SLC30A8: variants seen among roughly 807,000 people sequenced by gnomAD.
SLC30A8 encodes solute carrier family 30 member 8.
A neutral mutation model predicts 36.9 loss-of-function variants in SLC30A8; 27 were observed. That is an observed-to-expected ratio of 0.73 (90% CI 0.54 to 1.01). SLC30A8 has a LOEUF of 1.01. SLC30A8 is among the 50% of genes least tolerant of loss of function. SLC30A8 has a pLI of 0.00. For synonymous variants in SLC30A8, 164 were observed against 172.4 expected (o/e 0.95, Z 0.38); for missense variants, 439 against 452.0 (o/e 0.97, Z 0.26).
At chr8:117,121,628 G>C (rs1166960457) in intron 2 of SLC30A8, among the ~76,000 whole-genome samples, 1 of 151,930 alleles carries the variant, frequency 6.6e-6, no homozygotes, top group East Asian at 1.9e-4. Flanking sequence ...TCGCATTGGT[G>C]ATTAGATTTA....
At chr8:117,026,262 G>A (rs1816867451) in intron 1 of SLC30A8, among the ~76,000 whole-genome samples, 1 of 152,118 alleles carries the variant, frequency 6.6e-6, no homozygotes, top group Non-Finnish European at 1.5e-5. Context: ...AACAATATTT[G>A]TCTTCAATAA....
intron 6 of SLC30A8, 67 bp from the exon 7 acceptor site, chr8:117,170,967 G>C (rs186817102): frequency 7.1e-7 from 1 of 1,411,094 alleles, no homozygotes; most frequent in Non-Finnish European, 9.5e-7. Context: ...TTTGCAGCTT[G>C]TTTAGGTAAT....
intron 2 of SLC30A8, among the ~76,000 whole-genome samples, chr8:117,090,671 C>T (rs1333808904): frequency 1.3e-5 from 2 of 152,188 alleles, no homozygotes; most frequent in Admixed American, 6.5e-5. Context: ...CTCCTAATCC[C>T]ATCACATTGG....
intron 2 of SLC30A8, among the ~76,000 whole-genome samples, chr8:117,107,913 C>T (rs1820065091): frequency 2.0e-5 from 3 of 152,114 alleles, no homozygotes; most frequent in Non-Finnish European, 4.4e-5. Context: ...ATCCAAATGG[C>T]CTCTCTTTCA....
intron 2 of SLC30A8, among the ~76,000 whole-genome samples, chr8:117,053,884 A>G (rs141560044): frequency 6.4e-4 from 97 of 152,308 alleles, no homozygotes; most frequent in African/African-American, 2.2e-3. Context: ...ACAAGTATCA[A>G]TACTCACACT....
In SLC30A8 at chr8:117,175,841, G is replaced by T. The variant is rs1054155835; in HGVS notation, c.*3160G>T. On this transcript the variant is annotated 3_prime_UTR_variant, in exon 8 of 8. Coordinates refer to ENST00000456015, the MANE Select transcript of SLC30A8 (RefSeq NM_173851.3). ...TTCTCAGAGGAAGCAATGGAGGCTT[G>T]CTGGGATAAAGGCATTTACTGAGAG... 6.6e-6 allele frequency: 1 copy of T among 152,104 alleles called. No individual in the cohort carries two copies. The highest frequency in any genetic ancestry group is 1.5e-5 in the Non-Finnish European group (1 of 68,000). 9.4% of individuals were successfully genotyped at this position (152,104 alleles called of 1,614,324 possible). A position where few individuals can be genotyped will look rare whatever the true frequency, so the allele number is the denominator to read the frequency against.
chr8:117,109,731 T>G (rs1586532520), intron 2 of SLC30A8, among the ~76,000 whole-genome samples: 1 of 152,174 alleles, frequency 6.6e-6, no homozygotes. Context: ...AGTTGAAAAA[T>G]TGCTATCTCA....
At chr8:117,143,542 T>G (rs1261296559) in intron 1 of SLC30A8, among the ~76,000 whole-genome samples, 1 of 152,150 alleles carries the variant, frequency 6.6e-6, no homozygotes, top group African/African-American at 2.4e-5. Context: ...CTAGAGATAC[T>G]TAGATGACTT....
At chr8:116,987,199 G>T (rs968269662) in intron 1 of SLC30A8, among the ~76,000 whole-genome samples, 2 of 147,278 alleles carry the variant, frequency 1.4e-5, no homozygotes, top group African/African-American at 2.5e-5. Flanking sequence ...TTAGGGGAAG[G>T]TTCTGTTAAG....
chr8:117,176,467 G>A lies in SLC30A8; in HGVS notation c.*3786G>A, dbSNP rs1823694185. On this transcript the variant is annotated 3_prime_UTR_variant, in exon 8 of 8. Transcript: ENST00000456015. ...TTACAGAAATCATTAAAGGCACCAA[G>A]CAAATGTCATCTCTGAATACACACA... 6.6e-6 allele frequency: 1 copy of A among 152,356 alleles called. No individual in the cohort carries two copies. The highest frequency in any genetic ancestry group is 6.6e-5 in the Admixed American group (1 of 15,218). 9.4% of individuals were successfully genotyped at this position (152,356 alleles called of 1,614,324 possible).
chr8:117,160,714 A>G (rs1479169873), intron 4 of SLC30A8, among the ~76,000 whole-genome samples: 2 of 152,230 alleles, frequency 1.3e-5, no homozygotes, highest in African/African-American at 4.8e-5. Context: ...AAGGAACCTT[A>G]AATGTTAACT....
Position 117,154,695 on chromosome 8 carries a change from C to T in SLC30A8, c.418+1605C>T, listed in dbSNP as rs1029454396. Among the ~76,000 whole-genome samples the T allele has an allele frequency of 3.9e-5, 6 of 152,196 alleles. No homozygotes were observed. The East Asian group carries it at 5.8e-4, about 15-fold the overall frequency. On this transcript the variant is annotated intron_variant, in intron 3 of 7. Transcript: ENST00000456015. ...AGCGCTACACTTGGAAAACATGGAC[C>T]TGTAGCTAAGCACCCATTATTTGTC...
chr8:117,018,297 G>C (rs915453499), intron 1 of SLC30A8: 1 of 151,878 alleles, frequency 6.6e-6, no homozygotes, highest in East Asian at 1.9e-4. Flanking sequence ...ATTGTAAAAG[G>C]TAAGAAGAAT....
chr8:117,169,734 A>G (rs10098441), intron 6 of SLC30A8, among the ~76,000 whole-genome samples: 4,575 of 152,172 alleles, frequency 0.03, 239 homozygotes, highest in African/African-American at 0.1. Flanking sequence ...GGCACGTCAC[A>G]TGATGGGAAT....
chr8:117,157,711 TC>T lies in SLC30A8; in HGVS notation c.441del (p.Ile148SerfsTer7). On this transcript the variant is annotated frameshift_variant, in exon 4 of 8. Transcript: ENST00000456015. LOFTEE classifies it high-confidence loss of function. ...HRAEILGALL[S>X]ILCIWVVTGV... ...CCTAGAGATCCTTGGTGCCCTGCTC[TC>T]CATCCTGTGCATCTGGGTGGTGACT... is the stretch of plus-strand genomic sequence containing the variant. 6.2e-7 allele frequency: 1 copy of T among 1,614,114 alleles called. No individual in the cohort carries two copies. The highest frequency in any genetic ancestry group is 1.1e-5 in the South Asian group (1 of 91,068).
At chr8:117,157,655 C>G in intron 3 of SLC30A8, 36 bp from the exon 4 acceptor site, 1 of 1,610,214 alleles carries the variant, frequency 6.2e-7, no homozygotes, top group South Asian at 1.1e-5. Context: ...ATGGAGTTAT[C>G]TGTGTGTGGG....
At chr8:116,989,080 T>C (rs772098811) in intron 1 of SLC30A8, among the ~76,000 whole-genome samples, 2 of 152,218 alleles carry the variant, frequency 1.3e-5, no homozygotes, top group Non-Finnish European at 2.9e-5. Context: ...ATCACATTTA[T>C]TGATTTCTTA....
At chr8:117,160,403 T>TTTGTG (rs772576246) in intron 4 of SLC30A8, among the ~76,000 whole-genome samples, 5 of 145,810 alleles carry the variant, frequency 3.4e-5, no homozygotes, top group Non-Finnish European at 7.5e-5. Flanking sequence ...AATTTTCCAC[T>TTTGTG]TGTGTGTGTG....
At chr8:117,115,521 TTTCA>T (rs1300740540) in intron 2 of SLC30A8, among the ~76,000 whole-genome samples, 1 of 152,130 alleles carries the variant, frequency 6.6e-6, no homozygotes, top group Non-Finnish European at 1.5e-5. Context: ...ACAATCATTC[TTTCA>T]TTGTTATAAT....
Sources: allele counts gnomAD v4.1 joint callset (sites outside exome capture counted in the v4.1 genomes callset), GRCh38; gene constraint gnomAD v4.1.1; transcripts MANE v1.5; gene names NCBI Gene and HGNC (gene_info 2026-07-23, HGNC 2026-07-21).